Variants in ALG13 observed in about 807,000 individuals in gnomAD.
The protein encoded by ALG13 is ALG13 UDP-N-acetylglucosaminyltransferase subunit, also known as UDP-N-acetylglucosamine transferase subunit ALG13.
In ALG13, 11 loss-of-function variants were observed where a neutral mutation model predicts 87.8. The ratio of observed to expected loss-of-function variants is 0.13; its 90% CI spans 0.08 to 0.21. The LOEUF is 0.21. ALG13 is among the 10% of genes least tolerant of loss of function. The pLI is 1.00. For synonymous variants in ALG13, 320 were observed against 306.3 expected (o/e 1.04, Z -0.47); for missense variants, 756 against 866.1 (o/e 0.87, Z 1.60).
chrX:111,687,178 T>G (rs1364220817), intron 3 of ALG13, among the ~76,000 whole-genome samples: 1 of 111,912 alleles, frequency 8.9e-6, no homozygotes. Flanking sequence ...CTCCTGACCT[T>G]AGGTGATCCG....
At position 111,705,847 on chromosome X, in the gene ALG13, G is replaced by GT. The variant is rs199690465; in HGVS notation, c.384-2171dup. Among the ~76,000 whole-genome samples the GT allele has an allele frequency of 5.4e-3, 574 of 105,778 alleles. 7 individuals are homozygous for GT. The highest frequency in any genetic ancestry group is 0.01 in the Middle Eastern group (2 of 199). 91.9% of individuals were successfully genotyped at this position (105,778 alleles called of 115,157 possible). A position where few individuals can be genotyped will look rare whatever the true frequency, so the allele number is the denominator to read the frequency against. ...CTTTTGTCTTCCTGTCCCTACTTGT[G>GT]TTTTTTTTTCAGTTTTCTATTACTT... On this transcript the variant is annotated intron_variant, in intron 3 of 26. Transcript: ENST00000394780.
intron 3 of ALG13, among the ~76,000 whole-genome samples, chrX:111,692,864 T>C (rs960111360): frequency 9.0e-6 from 1 of 111,606 alleles, no homozygotes; most frequent in African/African-American, 3.3e-5. Flanking sequence ...TGGCAAGATA[T>C]TGGCTCCTCT....
chrX:111,711,802 T>G, intron 6 of ALG13, 77 bp downstream of exon 6: 2 of 989,082 alleles, frequency 2.0e-6, no homozygotes, highest in Non-Finnish European at 2.8e-6. Flanking sequence ...TCAACTGTAT[T>G]ATTTTAGCCA....
In ALG13 at chrX:111,744,740, C is replaced by A. The variant is rs1047232159; in HGVS notation, c.2768C>A (p.Pro923Gln). 1 of 1,037,893 alleles carries A rather than the reference C, an allele frequency of 9.6e-7. No individual in the cohort carries two copies. The allele number at this position is 1,037,893 out of a possible 1,213,427, so 85.5% of individuals were successfully genotyped here. A position where few individuals can be genotyped will look rare whatever the true frequency, so the allele number is the denominator to read the frequency against. Reference sequence around the variant, plus strand: ...GGTGCCTCTCTACCACCACCACCACCACCACCACCACCACCACCACCACCA... The same window carrying A: ...GGTGCCTCTCTACCACCACCACCACAACCACCACCACCACCACCACCACCA... ...HAGASLPPPP[P>Q]PPPPPPPPPP... The change falls in exon 24 of 27, where the codon CCA (proline) becomes CAA (glutamine). Residue 923 changes from proline to glutamine, a missense_variant. Physicochemically the swap from Pro to Gln is moderately conservative, Grantham distance 76 (BLOSUM62 -1). Around this residue, in one of 9 missense-constraint regions of ALG13, gnomAD observed 362 missense variants for 383.5 expected, o/e 0.94. Transcript: ENST00000394780.
At position 111,715,872 on chromosome X, in the gene ALG13, A is replaced by G. The variant is rs1375281147; in HGVS notation, c.1006-1974A>G. On this transcript the variant is annotated intron_variant, in intron 8 of 26. Transcript: ENST00000394780. ...GTGTTGACTTAATTCTGCATTCTAC[A>G]TAGTTATCTTCAGTTTCTTAAGTGT... Among the ~76,000 whole-genome samples the G allele has an allele frequency of 1.1e-4, 12 of 112,291 alleles. No homozygotes were observed. The Admixed American group carries it at 1.1e-3, about 11-fold the overall frequency.
Position 111,695,347 on chromosome X carries a change from A to C in ALG13, c.383+10244A>C, listed in dbSNP as rs759528916. 2.7e-5 allele frequency among the ~76,000 whole-genome samples: 3 copies of C among 110,623 alleles called. No individual in the cohort carries two copies. The East Asian group carries it at 8.5e-4, about 32-fold the overall frequency. On this transcript the variant is annotated intron_variant, in intron 3 of 26. Transcript: ENST00000394780. ...GAGACCAGCCTGACCAGCATGGAGA[A>C]ACCCCGTCTCTACTAAAAATACAAA...
At chrX:111,718,313 C>T in intron 10 of ALG13, 39 bp downstream of exon 10, 1 of 1,111,905 alleles carries the variant, frequency 9.0e-7, no homozygotes, top group African/African-American at 1.8e-5. Context: ...AATTATGTTT[C>T]ATACTTCTGT....
chrX:111,723,352 A>G (rs996062097), intron 13 of ALG13, among the ~76,000 whole-genome samples: 2 of 109,043 alleles, frequency 1.8e-5, no homozygotes, highest in African/African-American at 3.3e-5. Flanking sequence ...GTTAGCCAGG[A>G]TGGTCTTGAT....
chrX:111,726,232 GTTT>G (rs1213050998), intron 15 of ALG13, among the ~76,000 whole-genome samples: 4 of 60,223 alleles, frequency 6.6e-5, no homozygotes, highest in Non-Finnish European at 9.1e-5. Context: ...GGCGTGTTTT[GTTT>G]TTTTTTTTTT....
rs756456193 is a variant in ALG13, at chrX:111,726,811, A to G, written c.1732A>G (p.Ile578Val). ...MPGGYVPEIV[I>V]SEMDIKQQKK... is the part of the protein sequence containing the mutation. Reference sequence around the variant, plus strand: ...CTACCTCTTTGTTTGCCTGAAAGTTATATCAGAGATGGACATAAAGCAACA... The same window carrying G: ...CTACCTCTTTGTTTGCCTGAAAGTTGTATCAGAGATGGACATAAAGCAACA... Residue 578 changes from isoleucine to valine, a missense_variant and splice_region_variant, in exon 16 of 27, where the codon ATA becomes GTA. Coordinates refer to ENST00000394780, the MANE Select transcript of ALG13 (RefSeq NM_001099922.3). 1.7e-6 allele frequency: 2 copies of G among 1,209,198 alleles called. No homozygotes were observed. Among genetic ancestry groups the G allele is most frequent in the Admixed American group, 2.2e-5 (1 of 45,653 alleles).
chrX:111,703,817 A>G (rs1938307783), intron 3 of ALG13, among the ~76,000 whole-genome samples: 2 of 112,358 alleles, frequency 1.8e-5, no homozygotes, highest in African/African-American at 3.2e-5. Context: ...GATTATGGAT[A>G]AAGCTACTAT....
chrX:111,692,193 C>T (rs1367656841), intron 3 of ALG13, among the ~76,000 whole-genome samples: 1 of 111,992 alleles, frequency 8.9e-6, no homozygotes, highest in African/African-American at 3.2e-5. Context: ...TTAACTCTGT[C>T]TCCAACCCCT....
chrX:111,714,750 C>T (rs1490307352), intron 8 of ALG13, among the ~76,000 whole-genome samples: 2 of 111,464 alleles, frequency 1.8e-5, no homozygotes, highest in Non-Finnish European at 3.8e-5. Context: ...ATCTATTCCT[C>T]GATCCATTCA....
At chrX:111,756,813 G>A (rs1447570949) in intron 25 of ALG13, among the ~76,000 whole-genome samples, 1 of 111,701 alleles carries the variant, frequency 9.0e-6, no homozygotes, top group Non-Finnish European at 1.9e-5. Flanking sequence ...TAAATTAAGA[G>A]TAATGGGGTG....
Position 111,749,177 on chromosome X carries a change from A to G in ALG13, c.2933-3613A>G, listed in dbSNP as rs1320344066. 3.6e-5 allele frequency among the ~76,000 whole-genome samples: 4 copies of G among 112,060 alleles called. No individual in the cohort carries two copies. In the Admixed American group the frequency reaches 3.8e-4, roughly 11 times the overall value. On this transcript the variant is annotated intron_variant, in intron 24 of 26. Transcript: ENST00000394780. ...ATTGTTTCCTATGTTTTCCTTTAAAAGCTTAATTCATTTAGTTTTATGTTT... is the reference window on the plus strand; with the variant it reads ...ATTGTTTCCTATGTTTTCCTTTAAAGGCTTAATTCATTTAGTTTTATGTTT...
chrX:111,725,201 G>A (rs1941846935), intron 15 of ALG13, 140 bp downstream of exon 15: 2 of 725,852 alleles, frequency 2.8e-6, no homozygotes, highest in Non-Finnish European at 4.0e-6. Context: ...ACTGATAATG[G>A]AATGGATACT....
intron 23 of ALG13, chrX:111,743,696 G>A (rs1379687976): frequency 8.9e-6 from 1 of 111,754 alleles, no homozygotes; most frequent in Non-Finnish European, 1.9e-5. Flanking sequence ...AACAAATTCA[G>A]CTTGTGTGAA....
At chrX:111,714,810 A>G (rs1033989765) in intron 8 of ALG13, among the ~76,000 whole-genome samples, 2 of 111,907 alleles carry the variant, frequency 1.8e-5, no homozygotes, top group Non-Finnish European at 3.8e-5. Flanking sequence ...TTCAGACACC[A>G]GAAAACTTGA....
chrX:111,736,611 T>C (rs1381604744), intron 22 of ALG13, 103 bp from the exon 23 acceptor site: 2 of 776,386 alleles, frequency 2.6e-6, no homozygotes, highest in African/African-American at 4.2e-5. Flanking sequence ...TTTCAGTGTT[T>C]TAGTTTTCTA....
Sources: gnomAD v4.1 joint callset for allele counts (sites outside exome capture counted in the v4.1 genomes callset) on GRCh38, gnomAD v4.1.1 for gene constraint, gnomAD v4.1.1 regional missense constraint, MANE v1.5 for transcripts, NCBI Gene and HGNC (gene_info 2026-07-23, HGNC 2026-07-21) for gene names.